Variants in GLI2 observed in about 807,000 individuals in gnomAD.
GLI2 encodes GLI family zinc finger 2.
In GLI2, 22 loss-of-function variants were observed where a neutral mutation model predicts 78.9. That is an observed-to-expected ratio of 0.28 (90% CI 0.20 to 0.40). The LOEUF (loss-of-function observed/expected upper bound fraction) is 0.40, where lower values mean the gene tolerates loss of function less well. Ranked by LOEUF, GLI2 falls within the 10% of genes least tolerant of loss-of-function variation. The pLI is 1.00. For synonymous variants in GLI2, 974 were observed against 963.7 expected, an observed-to-expected ratio of 1.01 and a Z score of -0.20; for missense variants, 2,097 against 2,213.2, an observed-to-expected ratio of 0.95 and a Z score of 1.05.
chr2:120,796,720 A>G (rs1684413839), intron 1 of GLI2, among the ~76,000 whole-genome samples: 1 of 152,204 alleles, frequency 6.6e-6, no homozygotes, highest in African/African-American at 2.4e-5. Context: ...AACTCCACAT[A>G]TTGTATCTTC....
chr2:120,821,185 A>G (rs895490), intron 2 of GLI2, among the ~76,000 whole-genome samples: 71,005 of 151,788 alleles, frequency 0.47, 16,727 homozygotes, highest in South Asian at 0.52. Flanking sequence ...GGGCCTCTGT[A>G]CGGGGGAGGT....
chr2:120,745,393 C>T (rs1004190454), intron 1 of GLI2, among the ~76,000 whole-genome samples: 3 of 152,140 alleles, frequency 2.0e-5, no homozygotes, highest in Non-Finnish European at 4.4e-5. Context: ...CTTGTGGACA[C>T]CTTTATGGTC....
intron 2 of GLI2, among the ~76,000 whole-genome samples, chr2:120,838,537 TATA>T (rs2104571881): frequency 6.6e-6 from 1 of 152,378 alleles, no homozygotes; most frequent in Non-Finnish European, 1.5e-5. Context: ...CTAATAAAAA[TATA>T]ATGTGAACCA....
rs932411348 is a variant in GLI2, at chr2:120,856,033, G to C, written c.148+58565G>C. Among the ~76,000 whole-genome samples the C allele has an allele frequency of 5.3e-5, 8 of 152,338 alleles. No individual in the cohort carries two copies. The South Asian group carries it at 1.7e-3, about 32-fold the overall frequency. Reference sequence around the variant, plus strand: ...CCATCTTGATAAAAGCAAGGTCACTGTGCTTGTCCCCAGTTTACAAAGGGG... The same window carrying C: ...CCATCTTGATAAAAGCAAGGTCACTCTGCTTGTCCCCAGTTTACAAAGGGG... On this transcript the variant is annotated intron_variant, in intron 2 of 13. Coordinates refer to ENST00000361492, the MANE Select transcript of GLI2 (RefSeq NM_001374353.1).
chr2:120,836,049 C>T (rs559425187), intron 2 of GLI2, among the ~76,000 whole-genome samples: 56 of 152,126 alleles, frequency 3.7e-4, no homozygotes, highest in Non-Finnish European at 5.9e-4. Flanking sequence ...TTACTATGTC[C>T]TGGCAATTTT....
chr2:120,790,869 C>T (rs1360355179), intron 1 of GLI2, among the ~76,000 whole-genome samples: 1 of 152,074 alleles, frequency 6.6e-6, no homozygotes, highest in African/African-American at 2.4e-5. Context: ...CCCTGACTGT[C>T]CCCCCAGGGC....
At chr2:120,973,615 T>A (rs760981517) in intron 8 of GLI2, among the ~76,000 whole-genome samples, 2 of 152,116 alleles carry the variant, frequency 1.3e-5, no homozygotes, top group African/African-American at 2.4e-5. Context: ...TGGTCCACTC[T>A]CCCCATGGTC....
intron 5 of GLI2, among the ~76,000 whole-genome samples, chr2:120,958,076 G>A (rs1681362873): frequency 6.6e-6 from 1 of 152,172 alleles, no homozygotes; most frequent in Non-Finnish European, 1.5e-5. Flanking sequence ...GTAGTACAGC[G>A]AGCTCCAGGG....
At chr2:120,798,578 G>A (rs1312817899) in intron 2 of GLI2, among the ~76,000 whole-genome samples, 2 of 152,226 alleles carry the variant, frequency 1.3e-5, no homozygotes, top group Non-Finnish European at 2.9e-5. Context: ...TGTGGCTCAT[G>A]TCAGGAAAGG....
At chr2:120,978,641 C>A in intron 10 of GLI2, 58 bp downstream of exon 10, 1 of 1,582,794 alleles carries the variant, frequency 6.3e-7, no homozygotes, top group Non-Finnish European at 8.6e-7. Context: ...TCAGCCAGGC[C>A]GGGGGGATCA....
intron 2 of GLI2, among the ~76,000 whole-genome samples, chr2:120,834,658 G>A (rs1315923729): frequency 2.0e-5 from 3 of 152,180 alleles, no homozygotes; most frequent in Non-Finnish European, 2.9e-5. Context: ...CCAATCATCA[G>A]GAGCTGTGAG....
intron 2 of GLI2, among the ~76,000 whole-genome samples, chr2:120,842,934 C>T (rs1686954542): frequency 6.6e-6 from 1 of 152,198 alleles, no homozygotes; most frequent in Non-Finnish European, 1.5e-5. Flanking sequence ...CTCAGACCTT[C>T]AGTGGCCCAG....
chr2:120,903,917 A>G (rs942097816), intron 2 of GLI2, among the ~76,000 whole-genome samples: 2 of 152,152 alleles, frequency 1.3e-5, no homozygotes, highest in Non-Finnish European at 2.9e-5. Context: ...CACATGGGCC[A>G]AGAAACTCAG....
At chr2:120,745,505 C>G (rs1428128944) in intron 1 of GLI2, among the ~76,000 whole-genome samples, 4 of 152,124 alleles carry the variant, frequency 2.6e-5, no homozygotes, top group African/African-American at 9.7e-5. Flanking sequence ...AGGAGCCTGC[C>G]CTGAGGGTGA....
In GLI2 at chr2:120,922,717, C is replaced by T. The variant is rs559837971; in HGVS notation, c.149-4644C>T. 1.1e-3 allele frequency among the ~76,000 whole-genome samples: 166 copies of T among 152,302 alleles called. 1 individual carries two copies. Among genetic ancestry groups the T allele is most frequent in the African/African-American group, 3.9e-3 (162 of 41,558 alleles). ...TGCCCTGGCCAACCTCACACATCACCGCCAGGACAGGAGGACCCACTAACA... is the reference window on the plus strand; with the variant it reads ...TGCCCTGGCCAACCTCACACATCACTGCCAGGACAGGAGGACCCACTAACA... On this transcript the variant is annotated intron_variant, in intron 2 of 13. Transcript: ENST00000361492.
chr2:120,987,211 G>C (rs1394220377), intron 13 of GLI2, among the ~76,000 whole-genome samples: 3 of 152,176 alleles, frequency 2.0e-5, no homozygotes, highest in African/African-American at 4.8e-5. Flanking sequence ...GCATGTCTTG[G>C]GTACTGACTC....
chr2:120,961,497 G>A (rs1407384496), intron 5 of GLI2, among the ~76,000 whole-genome samples: 3 of 152,136 alleles, frequency 2.0e-5, no homozygotes, highest in South Asian at 2.1e-4. Flanking sequence ...AGACTGTCCC[G>A]CCACACCAGC....
At position 120,978,645 on chromosome 2, in the gene GLI2, G is replaced by A. The variant is rs1682575750; in HGVS notation, c.1467+62G>A. ...AGACTGGCCTGTCAGCCAGGCCGGG[G>A]GGATCATGTTTGGAGGTGGCTGGCC... is the stretch of plus-strand genomic sequence containing the variant. On this transcript the variant is annotated intron_variant, in intron 10 of 13. Coordinates refer to ENST00000361492, the MANE Select transcript of GLI2 (RefSeq NM_001374353.1). The A allele has an allele frequency of 2.5e-6, 4 of 1,577,588 alleles. No homozygotes were observed. In the South Asian group the frequency reaches 3.4e-5, roughly 13 times the overall value.
chr2:120,896,666 C>T (rs994403467), intron 2 of GLI2, among the ~76,000 whole-genome samples: 20 of 8,866 alleles, frequency 2.3e-3, no homozygotes, highest in African/African-American at 9.7e-3. Context: ...CACACATACA[C>T]CCACCCCCCC....
Sources: gnomAD v4.1 joint callset for allele counts (sites outside exome capture counted in the v4.1 genomes callset) on GRCh38, gnomAD v4.1.1 for gene constraint, MANE v1.5 for transcripts, NCBI Gene and HGNC (gene_info 2026-07-23, HGNC 2026-07-21) for gene names.